The following CTTNBP2 variants were observed in gnomAD, a reference collection of about 807,000 sequenced individuals.
CTTNBP2 encodes the protein cortactin binding protein 2.
Under a neutral mutation model 156.9 loss-of-function variants are expected in CTTNBP2, and 108 were observed. The ratio of observed to expected loss-of-function variants is 0.69; its 90% CI spans 0.59 to 0.81. The LOEUF is 0.81. CTTNBP2 is among the 30% of genes least tolerant of loss of function. The pLI, the probability that CTTNBP2 is intolerant of heterozygous loss-of-function variation, is 0.00. For synonymous variants in CTTNBP2, 767 were observed against 751.8 expected, an observed-to-expected ratio of 1.02 and a Z score of -0.33; for missense variants, 1,924 against 2,035.4, an observed-to-expected ratio of 0.95 and a Z score of 1.05.
rs1410549986 is a variant in CTTNBP2, at chr7:117,791,128, C to A, written c.2068G>T (p.Gly690Cys). The A allele has an allele frequency of 6.2e-7, 1 of 1,611,524 alleles. No individual in the cohort carries two copies. Among genetic ancestry groups the A allele is most frequent in the Admixed American group, 1.7e-5 (1 of 59,964 alleles). ...GCGTATAACATTTCAATCCCTTTAC[C>A]TGATGCTGTTACCAGGAGGCTGTCT... ...ASDSLLVTAS[G>C]WSPSLTPLLM... Residue 690 changes from glycine (G) to cysteine (C), a missense_variant and splice_region_variant, in exon 4 of 23, where the codon GGC becomes TGC. Physicochemically the swap from Gly to Cys is radical, Grantham distance 159. Coordinates refer to ENST00000160373, the MANE Select transcript of CTTNBP2 (RefSeq NM_033427.3).
chr7:117,812,961 C>T (rs909953329), intron 2 of CTTNBP2, among the ~76,000 whole-genome samples: 1 of 152,124 alleles, frequency 6.6e-6, no homozygotes, highest in Non-Finnish European at 1.5e-5. Flanking sequence ...TAACATTTAC[C>T]ACTCAGCAAA....
Position 117,711,525 on chromosome 7 carries a change from T to C in CTTNBP2, c.*12A>G, listed in dbSNP as rs1190639367. 3 of 1,607,266 alleles carry C rather than the reference T, an allele frequency of 1.9e-6. No homozygotes were observed. The highest frequency in any genetic ancestry group is 2.7e-5 in the African/African-American group (2 of 74,368). ...ATAGAGGAAGTTAATAATGAGAATA[T>C]TGTAGGCAGGCCTATTTGTTAGGTT... is the stretch of plus-strand genomic sequence containing the variant. On this transcript the variant is annotated 3_prime_UTR_variant, in exon 23 of 23. Transcript: ENST00000160373.
intron 16 of CTTNBP2, among the ~76,000 whole-genome samples, chr7:117,728,786 C>T (rs1456509067): frequency 6.6e-6 from 1 of 152,144 alleles, no homozygotes; most frequent in Non-Finnish European, 1.5e-5. Context: ...CTACATAGGG[C>T]TTATCTTTAA....
intron 16 of CTTNBP2, among the ~76,000 whole-genome samples, chr7:117,731,344 C>T (rs1314059395): frequency 6.6e-6 from 1 of 152,202 alleles, no homozygotes; most frequent in Non-Finnish European, 1.5e-5. Flanking sequence ...GGATGTACAA[C>T]TCTAACACAC....
At chr7:117,725,303 A>G in intron 17 of CTTNBP2, 46 bp from the exon 18 acceptor site, 1 of 1,528,942 alleles carries the variant, frequency 6.5e-7, no homozygotes, top group Admixed American at 1.7e-5. Flanking sequence ...AGGCTTCTCA[A>G]TAATTATACA....
intron 3 of CTTNBP2, among the ~76,000 whole-genome samples, chr7:117,807,758 G>A (rs977364326): frequency 6.6e-6 from 1 of 152,194 alleles, no homozygotes; most frequent in African/African-American, 2.4e-5. Context: ...AAAGAAAGCT[G>A]CAGCATCCAT....
chr7:117,821,611 C>T (rs1800972373), intron 2 of CTTNBP2, among the ~76,000 whole-genome samples: 1 of 135,342 alleles, frequency 7.4e-6, no homozygotes, highest in Admixed American at 7.9e-5. Flanking sequence ...TTTTTTGAGA[C>T]GAAGTCTCTC....
chr7:117,794,592 C>G (rs1405900037), intron 3 of CTTNBP2, among the ~76,000 whole-genome samples: 6 of 152,192 alleles, frequency 3.9e-5, no homozygotes, highest in Non-Finnish European at 8.8e-5. Flanking sequence ...GACTCCTTTC[C>G]CCTCACAGTC....
rs10235549 is a variant in CTTNBP2, at chr7:117,780,898, C to T, written c.2373-307G>A. Among the ~76,000 whole-genome samples, 198 of 152,266 alleles carry T rather than the reference C, an allele frequency of 1.3e-3. 1 individual carries two copies. The highest frequency in any genetic ancestry group is 4.3e-3 in the African/African-American group (178 of 41,546). ...AGTAGAGTCCTTAGAATTTAACTTA[C>T]TGGGATGAACGGTTTAACTGTACTT... On this transcript the variant is annotated intron_variant, in intron 6 of 22. Transcript: ENST00000160373.
chr7:117,829,471 C>A (rs1241419338), intron 2 of CTTNBP2, among the ~76,000 whole-genome samples: 2 of 152,206 alleles, frequency 1.3e-5, no homozygotes, highest in Non-Finnish European at 2.9e-5. Context: ...GACAGAACTA[C>A]CAGTTCAGAC....
At chr7:117,810,120 A>AG (rs1411112759) in intron 3 of CTTNBP2, among the ~76,000 whole-genome samples, 1 of 151,464 alleles carries the variant, frequency 6.6e-6, no homozygotes, top group East Asian at 1.9e-4. Flanking sequence ...ATGGTGGGGG[A>AG]GGGGGAGAGG....
intron 8 of CTTNBP2, among the ~76,000 whole-genome samples, chr7:117,768,770 G>T (rs1222454587): frequency 6.6e-6 from 1 of 151,888 alleles, no homozygotes; most frequent in African/African-American, 2.4e-5. Context: ...AGATTGGTTT[G>T]GTCTATTTGT....
intron 3 of CTTNBP2, among the ~76,000 whole-genome samples, chr7:117,808,741 A>C (rs1189349500): frequency 1.3e-5 from 2 of 152,208 alleles, no homozygotes; most frequent in South Asian, 4.1e-4. Context: ...AGATGTCTAA[A>C]GCTGCAATTT....
At chr7:117,738,076 G>A (rs1045946009) in intron 14 of CTTNBP2, among the ~76,000 whole-genome samples, 2 of 152,212 alleles carry the variant, frequency 1.3e-5, no homozygotes, top group Non-Finnish European at 2.9e-5. Flanking sequence ...GTGGCAGGGC[G>A]CCCAGCAGTC....
intron 3 of CTTNBP2, among the ~76,000 whole-genome samples, chr7:117,804,914 G>T (rs1484688841): frequency 6.6e-6 from 1 of 152,076 alleles, no homozygotes; most frequent in Non-Finnish European, 1.5e-5. Flanking sequence ...ATGTGCCCTG[G>T]AACTTAAAAA....
chr7:117,860,029 C>T (rs983383700), intron 2 of CTTNBP2, among the ~76,000 whole-genome samples: 3 of 152,186 alleles, frequency 2.0e-5, no homozygotes, highest in Non-Finnish European at 4.4e-5. Flanking sequence ...CATATACGCT[C>T]CTGTCACAGG....
At chr7:117,747,289 G>C (rs1468193020) in intron 12 of CTTNBP2, among the ~76,000 whole-genome samples, 2 of 152,112 alleles carry the variant, frequency 1.3e-5, no homozygotes, top group Admixed American at 1.3e-4. Context: ...CTCTGATGAG[G>C]TTGTCCCTTT....
At position 117,819,517 on chromosome 7, in the gene CTTNBP2, T is replaced by C. The variant is rs115971184; in HGVS notation, c.190-8528A>G. On this transcript the variant is annotated intron_variant, in intron 2 of 22. Coordinates refer to ENST00000160373, the MANE Select transcript of CTTNBP2 (RefSeq NM_033427.3). ...AATGCCCTTCAATGATCAGAAAGCCTTAGAAATTCACTGGCCAGGAATGAA... is the reference window on the plus strand; with the variant it reads ...AATGCCCTTCAATGATCAGAAAGCCCTAGAAATTCACTGGCCAGGAATGAA... Among the ~76,000 whole-genome samples, 1,375 of 152,120 alleles carry C rather than the reference T, an allele frequency of 9.0e-3. 22 individuals are homozygous for C. Among genetic ancestry groups the C allele is most frequent in the African/African-American group, 0.031 (1,274 of 41,490 alleles).
intron 2 of CTTNBP2, among the ~76,000 whole-genome samples, chr7:117,859,061 T>A (rs1436895133): frequency 6.6e-6 from 1 of 152,162 alleles, no homozygotes; most frequent in Non-Finnish European, 1.5e-5. Flanking sequence ...TACATCATAT[T>A]TTATTTTAAA....
Sources: allele counts gnomAD v4.1 joint callset (sites outside exome capture counted in the v4.1 genomes callset), GRCh38; gene constraint gnomAD v4.1.1; transcripts MANE v1.5; gene names NCBI Gene and HGNC (gene_info 2026-07-23, HGNC 2026-07-21).